TUSC3: variants seen among roughly 807,000 people sequenced by gnomAD.
The protein encoded by TUSC3 is tumor suppressor candidate 3.
A neutral mutation model predicts 44.8 loss-of-function variants in TUSC3; 45 were observed. That is an observed-to-expected ratio of 1.00 (90% confidence interval 0.79 to 1.29). TUSC3 has a LOEUF of 1.29. TUSC3 is among the 50% of genes most tolerant of loss of function. TUSC3 has a pLI of 0.00. For missense variants in TUSC3, 519 were observed against 437.9 expected (o/e 1.19, Z -1.65); for synonymous variants, 212 against 152.9 (o/e 1.39, Z -2.85).
chr8:15,612,752 T>C (rs890245569), intron 1 of TUSC3, among the ~76,000 whole-genome samples: 9 of 152,154 alleles, frequency 5.9e-5, no homozygotes, highest in Admixed American at 1.3e-4. Flanking sequence ...TTTTTTGTTT[T>C]GTTTTGTTTT....
chr8:15,547,231 T>G (rs1801900954), intron 1 of TUSC3, among the ~76,000 whole-genome samples: 2 of 151,664 alleles, frequency 1.3e-5, no homozygotes, highest in Non-Finnish European at 2.9e-5. Context: ...TAGCACTGAT[T>G]TTATTTAATG....
At chr8:15,532,776 A>G (rs781646695) in intron 2 of TUSC3, among the ~76,000 whole-genome samples, 1 of 152,194 alleles carries the variant, frequency 6.6e-6, no homozygotes, top group Non-Finnish European at 1.5e-5. Flanking sequence ...TGTTCTCATG[A>G]TAATGAATAA....
At chr8:15,780,327 T>C in the TUSC3 span, among the ~76,000 whole-genome samples, 1 of 152,166 alleles carries the variant, frequency 6.6e-6, no homozygotes, top group African/African-American at 2.4e-5. Context: ...AGCTGTTCCC[T>C]GAGGGGAGGA....
At chr8:15,513,451 C>A (rs1801170513) in intron 2 of TUSC3, among the ~76,000 whole-genome samples, 1 of 151,998 alleles carries the variant, frequency 6.6e-6, no homozygotes, top group Admixed American at 6.5e-5. Flanking sequence ...AACATGAAGG[C>A]AAAATCTAAT....
intron 2 of TUSC3, among the ~76,000 whole-genome samples, chr8:15,631,682 G>A (rs1337229005): frequency 6.6e-6 from 1 of 151,204 alleles, no homozygotes; most frequent in Non-Finnish European, 1.5e-5. Flanking sequence ...GTGTGTGTGT[G>A]TGTGTGTGTG....
chr8:15,727,393 G>C (rs768501984), intron 6 of TUSC3, among the ~76,000 whole-genome samples: 1 of 152,060 alleles, frequency 6.6e-6, no homozygotes, highest in Non-Finnish European at 1.5e-5. Flanking sequence ...AATTTGTGTA[G>C]CTGTAATTTG....
At chr8:15,555,132 TAGC>T (rs1312865114) in intron 1 of TUSC3, among the ~76,000 whole-genome samples, 2 of 132,164 alleles carry the variant, frequency 1.5e-5, no homozygotes, top group African/African-American at 2.8e-5. Flanking sequence ...AATATTATAA[TAGC>T]AGTCTTTTTT....
At chr8:15,432,095 G>T (rs890866275) in intron 1 of TUSC3, among the ~76,000 whole-genome samples, 1 of 151,750 alleles carries the variant, frequency 6.6e-6, no homozygotes, top group Non-Finnish European at 1.5e-5. Context: ...TTCTTGTCTG[G>T]CTTTGGTATC....
the TUSC3 span, among the ~76,000 whole-genome samples, chr8:15,780,239 G>C: frequency 5.3e-5 from 8 of 152,120 alleles, no homozygotes; most frequent in African/African-American, 1.7e-4. Flanking sequence ...AAATGGGTAG[G>C]CAAAGCTGAG....
intron 1 of TUSC3, among the ~76,000 whole-genome samples, chr8:15,565,801 C>G (rs761098538): frequency 1.3e-5 from 2 of 152,000 alleles, no homozygotes; most frequent in Non-Finnish European, 2.9e-5. Flanking sequence ...CCATGTGTTG[C>G]GGATGGCAGA....
chr8:15,761,803 C>T (rs546513060), intron 10 of TUSC3, among the ~76,000 whole-genome samples: 5 of 151,906 alleles, frequency 3.3e-5, no homozygotes, highest in East Asian at 1.9e-4. Flanking sequence ...AAGTATGATA[C>T]GAAGGCATTT....
chr8:15,722,915 C>T (rs1355476378), intron 6 of TUSC3, among the ~76,000 whole-genome samples: 3 of 151,976 alleles, frequency 2.0e-5, no homozygotes, highest in African/African-American at 4.8e-5. Flanking sequence ...CACATTGCTC[C>T]TTCCCATACA....
intron 6 of TUSC3, among the ~76,000 whole-genome samples, chr8:15,705,374 T>G (rs1365752056): frequency 1.3e-5 from 2 of 152,118 alleles, no homozygotes; most frequent in African/African-American, 4.8e-5. Flanking sequence ...CACTCCAGAA[T>G]CTATTCATTT....
the TUSC3 span, among the ~76,000 whole-genome samples, chr8:15,795,644 C>T: frequency 1.3e-5 from 2 of 152,298 alleles, no homozygotes; most frequent in African/African-American, 4.8e-5. Flanking sequence ...ACAAGAAGCA[C>T]AGTTCTCACG....
intron 1 of TUSC3, among the ~76,000 whole-genome samples, chr8:15,444,616 A>T (rs935376767): frequency 2.0e-5 from 3 of 152,204 alleles, no homozygotes; most frequent in South Asian, 2.1e-4. Context: ...AGACAAATGC[A>T]GAGATGAACA....
chr8:15,485,499 G>C (rs1237462401), intron 2 of TUSC3, among the ~76,000 whole-genome samples: 1 of 123,316 alleles, frequency 8.1e-6, no homozygotes, highest in East Asian at 2.7e-4. Flanking sequence ...CAGAGTTCTT[G>C]TCACCCAGGC....
intron 1 of TUSC3, among the ~76,000 whole-genome samples, chr8:15,601,038 G>C (rs1804267716): frequency 6.6e-6 from 1 of 151,606 alleles, no homozygotes; most frequent in African/African-American, 2.4e-5. Flanking sequence ...GTAATTCAGA[G>C]TGCAAGCTAT....
At chr8:15,553,436 C>G (rs1802125907) in intron 1 of TUSC3, among the ~76,000 whole-genome samples, 1 of 150,540 alleles carries the variant, frequency 6.6e-6, no homozygotes, top group Non-Finnish European at 1.5e-5. Context: ...TTTTGGATGT[C>G]ACAGGAGGAG....
intron 1 of TUSC3, among the ~76,000 whole-genome samples, chr8:15,443,033 C>G (rs374647096): frequency 6.6e-6 from 1 of 152,218 alleles, no homozygotes; most frequent in Non-Finnish European, 1.5e-5. Context: ...CTTCACTCCA[C>G]TGTGGGCTAT....
Sources: gnomAD v4.1 joint callset for allele counts (sites outside exome capture counted in the v4.1 genomes callset) on GRCh38, gnomAD v4.1.1 for gene constraint, MANE v1.5 for transcripts, NCBI Gene and HGNC (gene_info 2026-07-23, HGNC 2026-07-21) for gene names.